PTPRA: variants seen among roughly 807,000 people sequenced by gnomAD.
PTPRA encodes protein tyrosine phosphatase receptor type A, also known as receptor-type tyrosine-protein phosphatase alpha.
PTPRA carries 25 observed loss-of-function variants against 104.8 expected under a neutral mutation model. The observed-to-expected ratio is 0.24, with a 90% CI of 0.17 to 0.33. PTPRA has a LOEUF of 0.33. PTPRA is among the 10% of genes least tolerant of loss of function. The pLI is 1.00. For synonymous variants in PTPRA, 323 were observed against 368.9 expected (o/e 0.88, Z 1.43); for missense variants, 765 against 1,015.3 (o/e 0.75, Z 3.35).
At chr20:2,925,522 C>T (rs2060261046) in intron 2 of PTPRA, among the ~76,000 whole-genome samples, 1 of 151,966 alleles carries the variant, frequency 6.6e-6, no homozygotes, top group South Asian at 2.1e-4. Flanking sequence ...GTGCTATGAA[C>T]ATGGGTGTAG....
In PTPRA at chr20:3,021,432, G is replaced by A. The variant is rs561765004; in HGVS notation, c.1161+4G>A. ...ACGGAAGTTCTGCATCCAGCAGGTA[G>A]TGTCTCCTCTGTCCTTTCTCAGTTC... On this transcript the variant is annotated splice_donor_region_variant and intron_variant, in intron 14 of 23. Coordinates refer to ENST00000399903, the MANE Select transcript of PTPRA (RefSeq NM_001385305.1). The A allele has an allele frequency of 1.1e-5, 18 of 1,613,970 alleles. No individual in the cohort carries two copies. The South Asian group carries it at 2.0e-4, about 18-fold the overall frequency.
chr20:3,027,057 C>T (rs1425253275), intron 18 of PTPRA, 64 bp from the exon 19 acceptor site: 1 of 1,435,430 alleles, frequency 7.0e-7, no homozygotes, highest in Admixed American at 1.7e-5. Flanking sequence ...GAGGTGGGAG[C>T]AATGCAAGGA....
chr20:3,024,401 T>G, intron 16 of PTPRA, 71 bp from the exon 17 acceptor site: 1 of 1,449,584 alleles, frequency 6.9e-7, no homozygotes, highest in Non-Finnish European at 9.5e-7. Context: ...GAAGTGGGGG[T>G]GGGAACAGGT....
Position 3,026,500 on chromosome 20 carries a change from A to G in PTPRA, c.1615-187A>G, listed in dbSNP as rs562760646. 6.6e-5 allele frequency among the ~76,000 whole-genome samples: 10 copies of G among 152,324 alleles called. No homozygotes were observed. In the Middle Eastern group the frequency reaches 0.01, roughly 155 times the overall value. ...GAGAGTCCACAGGAGCCTGGAAGGT[A>G]GCATTTCCCAAACAGTCTCTTGGCT... On this transcript the variant is annotated intron_variant, in intron 17 of 23. Coordinates refer to ENST00000399903, the MANE Select transcript of PTPRA (RefSeq NM_001385305.1).
Position 3,038,630 on chromosome 20 carries a change from C to T in PTPRA, c.*497C>T, listed in dbSNP as rs958883932. 9 of 157,440 alleles carry T rather than the reference C, an allele frequency of 5.7e-5. No individual in the cohort carries two copies. Among genetic ancestry groups the T allele is most frequent in the Non-Finnish European group, 1.4e-5 (1 of 71,452 alleles). 9.8% of individuals were successfully genotyped at this position (157,440 alleles called of 1,614,324 possible). ...GACCAGAGCGGTATCTCTGGCACCA[C>T]ACTAGGGACTATCAGGTAATAAAAG... On this transcript the variant is annotated 3_prime_UTR_variant, in exon 24 of 24. Coordinates refer to ENST00000399903, the MANE Select transcript of PTPRA (RefSeq NM_001385305.1).
At chr20:2,996,507 A>G (rs974251552) in intron 9 of PTPRA, among the ~76,000 whole-genome samples, 2 of 152,234 alleles carry the variant, frequency 1.3e-5, no homozygotes, top group African/African-American at 4.8e-5. Flanking sequence ...CAGAATGGAA[A>G]AGTTTGAAAG....
intron 1 of PTPRA, among the ~76,000 whole-genome samples, chr20:2,914,855 G>A (rs747023157): frequency 5.3e-5 from 8 of 152,096 alleles, no homozygotes; most frequent in Non-Finnish European, 1.2e-4. Flanking sequence ...TCATGAACAC[G>A]TACAGAAGGG....
chr20:2,924,800 C>T (rs1483090691), intron 2 of PTPRA, among the ~76,000 whole-genome samples: 1 of 152,126 alleles, frequency 6.6e-6, no homozygotes, highest in African/African-American at 2.4e-5. Context: ...CCTGCCTCAG[C>T]TTCCCAAGTA....
intron 1 of PTPRA, among the ~76,000 whole-genome samples, chr20:2,874,405 T>TAGCAG (rs752849029): frequency 6.0e-5 from 9 of 149,564 alleles, no homozygotes; most frequent in Non-Finnish European, 8.9e-5. Context: ...AAAAAAAAAA[T>TAGCAG]AGCAGAGCAG....
At chr20:2,883,917 C>G (rs1281076013) in intron 1 of PTPRA, among the ~76,000 whole-genome samples, 1 of 152,144 alleles carries the variant, frequency 6.6e-6, no homozygotes, top group Non-Finnish European at 1.5e-5. Flanking sequence ...TCCCTCCAGT[C>G]CCTGGCAACT....
rs78834255 is a variant in PTPRA at position 2,914,964 on chromosome 20, T to C, written c.-128-8243T>C. Among the ~76,000 whole-genome samples the C allele has an allele frequency of 3.6e-3, 548 of 152,344 alleles. 3 individuals are homozygous for C. The highest frequency in any genetic ancestry group is 4.1e-3 in the Admixed American group (62 of 15,298). On this transcript the variant is annotated intron_variant, in intron 1 of 23. Coordinates refer to ENST00000399903, the MANE Select transcript of PTPRA (RefSeq NM_001385305.1). ...CTTTGAGTCCTCATACTATAAATAG[T>C]TGTCCCTTTTGCAGTTTACTTAGCG...
chr20:2,990,509 A>G (rs938508713), intron 9 of PTPRA, among the ~76,000 whole-genome samples: 1 of 152,156 alleles, frequency 6.6e-6, no homozygotes, highest in Non-Finnish European at 1.5e-5. Context: ...CCTTGATCAC[A>G]GGAGTTCGAA....
At chr20:2,912,984 A>G (rs776845941) in intron 1 of PTPRA, among the ~76,000 whole-genome samples, 1 of 152,210 alleles carries the variant, frequency 6.6e-6, no homozygotes, top group African/African-American at 2.4e-5. Flanking sequence ...AAATAAATAC[A>G]TGTACAGAAA....
rs747559260 is a variant in PTPRA at position 3,027,185 on chromosome 20, A to G, written c.1773A>G (p.Ala591=). 32 of 1,613,964 alleles carry G rather than the reference A, an allele frequency of 2.0e-5. No homozygotes were observed. The highest frequency in any genetic ancestry group is 1.6e-4 in the Middle Eastern group (1 of 6,084). Residue 591 remains alanine, a synonymous_variant, in exon 19 of 24, where the codon GCA becomes GCG. Transcript: ENST00000399903. ...RGEENTDYVN[A]SFIDGYRQKD... Reference sequence around the variant, plus strand: ...AAGAGAATACAGACTATGTGAACGCATCCTTTATTGATGTAAGTGGTGGGT... The same window carrying G: ...AAGAGAATACAGACTATGTGAACGCGTCCTTTATTGATGTAAGTGGTGGGT...
chr20:2,900,210 C>T (rs943450126), intron 1 of PTPRA, among the ~76,000 whole-genome samples: 10 of 151,856 alleles, frequency 6.6e-5, no homozygotes, highest in Non-Finnish European at 1.3e-4. Context: ...CAGGCGGTAG[C>T]GCAGTGACAC....
chr20:3,005,198 G>A (rs760571847), intron 10 of PTPRA, 52 bp downstream of exon 10: 2 of 1,491,354 alleles, frequency 1.3e-6, no homozygotes, highest in Non-Finnish European at 1.9e-6. Flanking sequence ...CATCTCTGGA[G>A]GGATTTTCTG....
intron 2 of PTPRA, among the ~76,000 whole-genome samples, chr20:2,938,130 A>T (rs1195297953): frequency 6.6e-6 from 1 of 152,070 alleles, no homozygotes; most frequent in Admixed American, 6.6e-5. Flanking sequence ...ACCAGCCTGG[A>T]CAACATAGTG....
upstream of PTPRA, among the ~76,000 whole-genome samples, chr20:2,871,362 A>G (rs575235049): frequency 2.0e-5 from 3 of 152,212 alleles, no homozygotes; most frequent in East Asian, 5.8e-4. Context: ...TTTGACTACC[A>G]CGCCCAACAA....
chr20:2,883,300 C>G (rs561391764), intron 1 of PTPRA, among the ~76,000 whole-genome samples: 32 of 152,154 alleles, frequency 2.1e-4, no homozygotes, highest in African/African-American at 7.5e-4. Flanking sequence ...TAATCTGTCT[C>G]TTCAAGTAAA....
Sources: allele counts gnomAD v4.1 joint callset (sites outside exome capture counted in the v4.1 genomes callset), GRCh38; gene constraint gnomAD v4.1.1; transcripts MANE v1.5; gene names NCBI Gene and HGNC (gene_info 2026-07-23, HGNC 2026-07-21).